Variants in HELZ observed in about 807,000 individuals in gnomAD.
HELZ encodes the protein helicase with zinc finger.
HELZ carries 23 observed loss-of-function variants against 218.2 expected under a neutral mutation model. That is an observed-to-expected ratio of 0.11 (90% CI 0.08 to 0.15). The LOEUF is 0.15. Among genes scored for constraint, HELZ ranks in the 10% least tolerant of loss-of-function variants. The probability of loss-of-function intolerance (pLI) is 1.00; values close to 1 mark genes in which losing one functional copy is unlikely to be tolerated. For missense variants in HELZ, 1,813 were observed against 2,353.7 expected (o/e 0.77, Z 4.75); for synonymous variants, 814 against 829.4 (o/e 0.98, Z 0.32).
At chr17:67,226,847 C>A (rs752244628) in intron 3 of HELZ, among the ~76,000 whole-genome samples, 18 of 152,150 alleles carry the variant, frequency 1.2e-4, no homozygotes, top group Non-Finnish European at 1.9e-4. Flanking sequence ...TTGAATTAAT[C>A]TCAAAAACAT....
At chr17:67,244,717 G>C (rs958133651) in intron 1 of HELZ, 1 of 984,262 alleles carries the variant, frequency 1.0e-6, no homozygotes, top group Non-Finnish European at 1.2e-6. Context: ...CGAGGCCTGA[G>C]GGGGGGCATC....
intron 12 of HELZ, among the ~76,000 whole-genome samples, chr17:67,184,364 G>C (rs1181950397): frequency 6.6e-6 from 1 of 152,128 alleles, no homozygotes; most frequent in Non-Finnish European, 1.5e-5. Context: ...GCCTAGCATG[G>C]TCCAAATTTA....
chr17:67,106,026 G>A (rs954106131), intron 31 of HELZ, among the ~76,000 whole-genome samples: 1 of 152,102 alleles, frequency 6.6e-6, no homozygotes, highest in African/African-American at 2.4e-5. Context: ...ATATCATTCT[G>A]AAACTGCCAA....
chr17:67,195,117 GAA>G (rs2039990499), intron 8 of HELZ, among the ~76,000 whole-genome samples: 1 of 152,106 alleles, frequency 6.6e-6, no homozygotes, highest in African/African-American at 2.4e-5. Flanking sequence ...AGAGAGAGAA[GAA>G]AAGTCTTCCC....
rs181272572 is a variant in HELZ at position 67,108,306 on chromosome 17, G to C, written c.4724+186C>G. ...ATCATCCATGCCTAAATTTGTAGAA[G>C]AGTTACTTCTAAATGAGTTTTCTGT... On this transcript the variant is annotated intron_variant, in intron 30 of 32. Coordinates refer to ENST00000358691, the MANE Select transcript of HELZ (RefSeq NM_014877.4). The surrounding 1 kb of genome is among the most constrained non-coding windows in gnomAD (Gnocchi z 4.1). 1 of 563,134 alleles carries C rather than the reference G, an allele frequency of 1.8e-6. No individual in the cohort carries two copies. The highest frequency in any genetic ancestry group is 2.9e-5 in the East Asian group (1 of 34,350). The allele number at this position is 563,134 out of a possible 1,614,324, so 34.9% of individuals were successfully genotyped here.
chr17:67,168,728 C>T (rs943948110), intron 13 of HELZ, among the ~76,000 whole-genome samples: 7 of 152,172 alleles, frequency 4.6e-5, no homozygotes, highest in Admixed American at 2.0e-4. Context: ...CTCACACTTC[C>T]ATGTGTGCAC....
intron 24 of HELZ, 147 bp from the exon 25 acceptor site, chr17:67,124,161 T>G: frequency 1.9e-6 from 1 of 518,898 alleles, no homozygotes; most frequent in Non-Finnish European, 3.4e-6. Context: ...ACCATTAGAC[T>G]GCTTTGAGCC....
At chr17:67,128,601 G>A (rs1363513159) in intron 24 of HELZ, 50 bp downstream of exon 24, 1 of 1,494,020 alleles carries the variant, frequency 6.7e-7, no homozygotes, top group Non-Finnish European at 9.3e-7. Flanking sequence ...TGGCACTTCT[G>A]CGAAGTTTTC....
intron 5 of HELZ, among the ~76,000 whole-genome samples, chr17:67,208,297 G>C (rs2040357898): frequency 6.6e-6 from 1 of 152,106 alleles, no homozygotes. Context: ...CAGCACAAGG[G>C]AGATCTTCAC....
At chr17:67,104,192 T>A (rs943788222) in intron 31 of HELZ, among the ~76,000 whole-genome samples, 3 of 151,996 alleles carry the variant, frequency 2.0e-5, no homozygotes, top group Non-Finnish European at 4.4e-5. Context: ...CCCAGCACTT[T>A]GGGAGGCCGA....
Position 67,152,899 on chromosome 17 carries a change from GA to G in HELZ, c.2178-1676del, listed in dbSNP as rs376637477. Among the ~76,000 whole-genome samples, 59 of 152,222 alleles carry G rather than the reference GA, an allele frequency of 3.9e-4. 1 individual carries two copies. The East Asian group carries it at 9.8e-3, about 25-fold the overall frequency. On this transcript the variant is annotated intron_variant, in intron 17 of 32. Coordinates refer to ENST00000358691, the MANE Select transcript of HELZ (RefSeq NM_014877.4). Reference sequence around the variant, plus strand: ...GAATTCAGGAGAGCATGGGGTATTGGAAGCAAAATGAAGCAAGTGTTTCAGA... The same window carrying G: ...GAATTCAGGAGAGCATGGGGTATTGGAGCAAAATGAAGCAAGTGTTTCAGA...
At chr17:67,138,242 T>G in intron 21 of HELZ, 128 bp from the exon 22 acceptor site, 1 of 528,888 alleles carries the variant, frequency 1.9e-6, no homozygotes, top group Non-Finnish European at 3.1e-6. Flanking sequence ...AAAAAAAAAC[T>G]ACCCCTAAAT....
Position 67,114,319 on chromosome 17 carries a change from C to T in HELZ, c.3918+5G>A, listed in dbSNP as rs2037366433. 2.5e-6 allele frequency: 4 copies of T among 1,585,630 alleles called. No individual in the cohort carries two copies. Among genetic ancestry groups the T allele is most frequent in the Non-Finnish European group, 3.5e-6 (4 of 1,154,266 alleles). ...CTAGGACAACACAGTAACTAAGCAG[C>T]ATACCTGTTTTGGTTCTGTTGGCTT... On this transcript the variant is annotated splice_donor_5th_base_variant and intron_variant, in intron 28 of 32. Transcript: ENST00000358691.
chr17:67,234,320 G>T (rs866558340), intron 3 of HELZ, among the ~76,000 whole-genome samples: 2 of 135,650 alleles, frequency 1.5e-5, no homozygotes, highest in Non-Finnish European at 3.2e-5. Context: ...AAAGAAAAAA[G>T]AAAAAAAAAA....
At chr17:67,213,525 G>A (rs1160776924) in intron 5 of HELZ, among the ~76,000 whole-genome samples, 1 of 152,132 alleles carries the variant, frequency 6.6e-6, no homozygotes, top group Admixed American at 6.5e-5. Flanking sequence ...AGGAGGCTGA[G>A]GCAGGAGAAT....
In HELZ at chr17:67,188,678, G is replaced by T; in HGVS notation, c.865-62C>A. On this transcript the variant is annotated intron_variant, in intron 11 of 32. Transcript: ENST00000358691. This position sits in a 1 kb window ranked among gnomAD's most constrained non-coding sequence, Gnocchi z 4.1. ...GGGTGAAAAATCCAATTGTAATTGG[G>T]CTCTTCAATGAAAATATTTCCATAA... is the stretch of plus-strand genomic sequence containing the variant. 1.5e-6 allele frequency: 2 copies of T among 1,307,592 alleles called. No homozygotes were observed. The highest frequency in any genetic ancestry group is 2.1e-6 in the Non-Finnish European group (2 of 936,688). The allele number at this position is 1,307,592 out of a possible 1,614,324, so 81.0% of individuals were successfully genotyped here. A position where few individuals can be genotyped will look rare whatever the true frequency, so the allele number is the denominator to read the frequency against.
chr17:67,109,062 C>T, intron 29 of HELZ, 54 bp downstream of exon 29: 1 of 1,371,450 alleles, frequency 7.3e-7, no homozygotes, highest in Non-Finnish European at 1.0e-6. Flanking sequence ...TTATACAGTC[C>T]AAGTCATGTT....
intron 9 of HELZ, among the ~76,000 whole-genome samples, chr17:67,190,735 G>A (rs1214005420): frequency 6.6e-6 from 1 of 152,168 alleles, no homozygotes; most frequent in African/African-American, 2.4e-5. Flanking sequence ...TTTTGAGACG[G>A]AGTCTCACTC....
chr17:67,224,893 C>T, intron 3 of HELZ: 1 of 755,634 alleles, frequency 1.3e-6, no homozygotes, highest in Non-Finnish European at 2.4e-6. Context: ...GCCGATCTTC[C>T]GGAAGAAGGC....
Sources: gnomAD v4.1 joint callset for allele counts (sites outside exome capture counted in the v4.1 genomes callset) on GRCh38, gnomAD v4.1.1 for gene constraint, Gnocchi (gnomAD v3.1) non-coding constraint, MANE v1.5 for transcripts, NCBI Gene and HGNC (gene_info 2026-07-23, HGNC 2026-07-21) for gene names.